Variants in INPP5D observed in about 807,000 individuals in gnomAD.
INPP5D encodes phosphatidylinositol 3,4,5-trisphosphate 5-phosphatase 1.
Under a neutral mutation model 122.9 loss-of-function variants are expected in INPP5D, and 33 were observed. The ratio of observed to expected loss-of-function variants is 0.27; its 90% confidence interval spans 0.20 to 0.36. The LOEUF (loss-of-function observed/expected upper bound fraction) is 0.36. Ranked by LOEUF, INPP5D falls within the 10% of genes least tolerant of loss-of-function variation. INPP5D has a pLI of 1.00. For missense variants in INPP5D, 1,053 were observed against 1,412.7 expected (o/e 0.75, Z 4.08); for synonymous variants, 584 against 576.2 (o/e 1.01, Z -0.19).
At chr2:233,129,218 C>T (rs757928946) in intron 4 of INPP5D, among the ~76,000 whole-genome samples, 1 of 152,190 alleles carries the variant, frequency 6.6e-6, no homozygotes, top group East Asian at 1.9e-4. Flanking sequence ...ATTTTTTCCA[C>T]ACAGCTAATT....
chr2:233,110,848 T>G (rs1417821701), intron 2 of INPP5D, among the ~76,000 whole-genome samples: 1 of 151,492 alleles, frequency 6.6e-6, no homozygotes, highest in Non-Finnish European at 1.5e-5. Flanking sequence ...TTGCTTGAAC[T>G]CGGGAGGCGG....
rs1472844691 is a variant in INPP5D, at chr2:233,164,979, G to A, written c.1555+555G>A. Among the ~76,000 whole-genome samples, 1 of 152,218 alleles carries A rather than the reference G, an allele frequency of 6.6e-6. No individual in the cohort carries two copies. The highest frequency in any genetic ancestry group is 1.9e-4 in the East Asian group (1 of 5,192). On this transcript the variant is annotated intron_variant, in intron 13 of 26. Transcript: ENST00000445964. This position sits in a 1 kb window ranked among gnomAD's most constrained non-coding sequence, Gnocchi z 4.3. ...CCCTGCCCTCGGTCCCTGTGCACCA[G>A]GTTGGATCTGGAAACGCTGGTGTCA...
At chr2:233,101,551 A>C (rs1424877727) in intron 2 of INPP5D, among the ~76,000 whole-genome samples, 1 of 147,380 alleles carries the variant, frequency 6.8e-6, no homozygotes, top group African/African-American at 2.5e-5. Flanking sequence ...ATTATATTAT[A>C]ATTAATAATG....
chr2:233,085,585 T>C (rs2106216099), intron 2 of INPP5D, among the ~76,000 whole-genome samples: 1 of 152,238 alleles, frequency 6.6e-6, no homozygotes, highest in South Asian at 2.1e-4. Context: ...CTTTGCAAAC[T>C]CTGTTCTTTG....
At chr2:233,096,560 G>A (rs1315776208) in intron 2 of INPP5D, among the ~76,000 whole-genome samples, 1 of 152,148 alleles carries the variant, frequency 6.6e-6, no homozygotes, top group Non-Finnish European at 1.5e-5. Flanking sequence ...GCTGAGGCAG[G>A]AGAATCACTT....
chr2:233,090,547 A>T (rs1691964636), intron 2 of INPP5D, among the ~76,000 whole-genome samples: 1 of 152,218 alleles, frequency 6.6e-6, no homozygotes, highest in South Asian at 2.1e-4. Flanking sequence ...TCACAAATAT[A>T]TGCTATGAAG....
rs1693290558 is a variant in INPP5D, at chr2:233,130,521, C to T, written c.538C>T (p.His180Tyr). The T allele has an allele frequency of 6.2e-7, 1 of 1,613,396 alleles. No individual in the cohort carries two copies. Among genetic ancestry groups the T allele is most frequent in the East Asian group, 2.2e-5 (1 of 44,880 alleles). The change falls in exon 5 of 27, where the codon CAT (histidine) becomes TAT (tyrosine). Residue 180 changes from histidine (H) to tyrosine (Y), a missense_variant. Physicochemically the swap from His to Tyr is moderately conservative, Grantham distance 83. Around this residue, in one of 6 missense-constraint regions of INPP5D, gnomAD observed 196 missense variants for 175.6 expected, o/e 1.12. Coordinates refer to ENST00000445964, the MANE Select transcript of INPP5D (RefSeq NM_001017915.3). ...TCTTTTCTTTAGGCTTCCAGAAGAG[C>T]ATCTTAAGGCCATCCAAGATTATTT... ...SMDTSGLPEEHLKAIQDYLST... is the reference protein window; with the variant it reads ...SMDTSGLPEEYLKAIQDYLST...
chr2:233,070,323 C>T (rs533764667), intron 1 of INPP5D, among the ~76,000 whole-genome samples: 12 of 152,120 alleles, frequency 7.9e-5, no homozygotes, highest in African/African-American at 2.2e-4. Context: ...TTTCTCCCTT[C>T]GCTTTTCAAT....
At chr2:233,186,307 C>T (rs1245266183) in intron 21 of INPP5D, among the ~76,000 whole-genome samples, 9 of 152,152 alleles carry the variant, frequency 5.9e-5, no homozygotes, top group Non-Finnish European at 2.9e-5. Context: ...CCGATCCCCT[C>T]TTTGACGCTT....
intron 1 of INPP5D, among the ~76,000 whole-genome samples, chr2:233,069,899 A>G (rs1395987807): frequency 1.3e-5 from 2 of 152,242 alleles, no homozygotes; most frequent in Admixed American, 1.3e-4. Context: ...CTCTTGATAC[A>G]GAATGATACA....
At chr2:233,190,353 G>A (rs1559343447) in intron 22 of INPP5D, among the ~76,000 whole-genome samples, 1 of 152,168 alleles carries the variant, frequency 6.6e-6, no homozygotes, top group Non-Finnish European at 1.5e-5. Context: ...CTTCTCAAGT[G>A]TCCTGAGTCA....
chr2:233,138,570 A>G (rs189524573), intron 5 of INPP5D, among the ~76,000 whole-genome samples: 3 of 152,276 alleles, frequency 2.0e-5, no homozygotes, highest in African/African-American at 7.2e-5. Flanking sequence ...ACAGAAGTAC[A>G]GTCATTGGAG....
At chr2:233,174,801 A>G (rs1574786591) in intron 17 of INPP5D, among the ~76,000 whole-genome samples, 1 of 152,114 alleles carries the variant, frequency 6.6e-6, no homozygotes, top group East Asian at 1.9e-4. Flanking sequence ...CAAAAAAAAA[A>G]AAAAAAAAAG....
intron 2 of INPP5D, among the ~76,000 whole-genome samples, chr2:233,101,803 A>G (rs1692322827): frequency 9.3e-6 from 1 of 108,098 alleles, no homozygotes; most frequent in African/African-American, 7.3e-5. Context: ...ATATTAACTT[A>G]TTTATAAGTT....
At chr2:233,061,333 C>A (rs1691068618) in intron 1 of INPP5D, among the ~76,000 whole-genome samples, 1 of 151,692 alleles carries the variant, frequency 6.6e-6, no homozygotes, top group Non-Finnish European at 1.5e-5. Flanking sequence ...CAGCCACTTG[C>A]TGAAGGTTCC....
chr2:233,102,410 C>T (rs1692339520), intron 2 of INPP5D, among the ~76,000 whole-genome samples: 1 of 152,204 alleles, frequency 6.6e-6, no homozygotes, highest in Non-Finnish European at 1.5e-5. Context: ...CTGCTTCACT[C>T]ACACCAAGTT....
rs6708049 is a variant in INPP5D, at chr2:233,078,583, T to C, written c.135-752T>C. Among the ~76,000 whole-genome samples the C allele has an allele frequency of 0.82, 124,926 of 152,180 alleles. 51,735 individuals are homozygous for C. The highest frequency in any genetic ancestry group is 0.89 in the Middle Eastern group (261 of 294). On this transcript the variant is annotated intron_variant, in intron 1 of 26. Coordinates refer to ENST00000445964, the MANE Select transcript of INPP5D (RefSeq NM_001017915.3). The surrounding 1 kb of genome is among the most constrained non-coding windows in gnomAD (Gnocchi z 4.6). Reference sequence around the variant, plus strand: ...CTGCCCCTGACAGGTGGCCCCTCTGTGGCTGGGCCTGGCTTTCCATTCACC... The same window carrying C: ...CTGCCCCTGACAGGTGGCCCCTCTGCGGCTGGGCCTGGCTTTCCATTCACC...
rs78297739 is a variant in INPP5D at position 233,189,764 on chromosome 2, C to A, written c.2359-86C>A. On this transcript the variant is annotated intron_variant, in intron 21 of 26. Coordinates refer to ENST00000445964, the MANE Select transcript of INPP5D (RefSeq NM_001017915.3). This position sits in a 1 kb window ranked among gnomAD's most constrained non-coding sequence, Gnocchi z 5.6. ...AGATCTGATTACTAAGAACACCTTT[C>A]GTCATCTTCATCCACTTGTCCACCC... 1.9e-6 allele frequency: 3 copies of A among 1,551,904 alleles called. No individual in the cohort carries two copies. Among genetic ancestry groups the A allele is most frequent in the Non-Finnish European group, 2.6e-6 (3 of 1,149,492 alleles).
intron 18 of INPP5D, among the ~76,000 whole-genome samples, chr2:233,180,229 G>C (rs534864745): frequency 1.3e-5 from 2 of 152,288 alleles, no homozygotes; most frequent in East Asian, 1.9e-4. Flanking sequence ...GGACCACAGA[G>C]AGTGTGGTTA....
Sources: allele counts gnomAD v4.1 joint callset (sites outside exome capture counted in the v4.1 genomes callset), GRCh38; gene constraint gnomAD v4.1.1; regional missense constraint gnomAD v4.1.1; non-coding constraint Gnocchi (gnomAD v3.1); transcripts MANE v1.5; gene names NCBI Gene and HGNC (gene_info 2026-07-23, HGNC 2026-07-21).